The following KCNK2 variants were observed in gnomAD, a reference collection of about 807,000 sequenced individuals.
KCNK2 encodes the protein potassium channel subfamily K member 2.
KCNK2 carries 21 observed loss-of-function variants against 40.5 expected under a neutral mutation model. The observed-to-expected ratio is 0.52, with a 90% CI of 0.37 to 0.75. The LOEUF (loss-of-function observed/expected upper bound fraction) is 0.75. Ranked by LOEUF, KCNK2 falls within the 30% of genes least tolerant of loss-of-function variation. KCNK2 has a pLI of 0.00. For missense variants in KCNK2, 399 were observed against 531.6 expected (o/e 0.75, Z 2.45); for synonymous variants, 191 against 202.2 (o/e 0.94, Z 0.47).
chr1:215,070,272 C>T (rs768733394), intron 1 of KCNK2, among the ~76,000 whole-genome samples: 22 of 151,592 alleles, frequency 1.5e-4, no homozygotes, highest in African/African-American at 3.9e-4. Context: ...AGAAATTAGC[C>T]GGATGTGGTG....
At chr1:215,207,443 G>A (rs1014927841) in intron 6 of KCNK2, among the ~76,000 whole-genome samples, 3 of 152,112 alleles carry the variant, frequency 2.0e-5, no homozygotes, top group Non-Finnish European at 4.4e-5. Context: ...CCATGAAACC[G>A]GCCCCTGGTG....
chr1:215,168,897 A>G (rs969842391), intron 3 of KCNK2, among the ~76,000 whole-genome samples: 1 of 152,130 alleles, frequency 6.6e-6, no homozygotes, highest in African/African-American at 2.4e-5. Flanking sequence ...ATTTAATGAA[A>G]ATATGATTTT....
chr1:215,071,237 A>C (rs1053362568), intron 1 of KCNK2, among the ~76,000 whole-genome samples: 1 of 152,220 alleles, frequency 6.6e-6, no homozygotes, highest in Non-Finnish European at 1.5e-5. Flanking sequence ...GTGATTCTCA[A>C]GGTCTCAGAG....
At position 215,236,560 on chromosome 1, in the gene KCNK2, T is replaced by C. The variant is rs1350495099; in HGVS notation, c.*1415T>C. ...AAAAGAGGCTGATTATTCTTTTTAG[T>C]TTAATTTTATATCCTGTAATTCTTT... is the stretch of plus-strand genomic sequence containing the variant. On this transcript the variant is annotated 3_prime_UTR_variant, in exon 7 of 7. Transcript: ENST00000444842. 6.6e-6 allele frequency: 1 copy of C among 152,626 alleles called. No homozygotes were observed. The highest frequency in any genetic ancestry group is 2.4e-5 in the African/African-American group (1 of 41,450). 9.5% of individuals were successfully genotyped at this position (152,626 alleles called of 1,614,324 possible).
rs146722522 is a variant in KCNK2 at position 215,152,144 on chromosome 1, G to A, written c.476-17055G>A. Among the ~76,000 whole-genome samples, 236 of 152,194 alleles carry A rather than the reference G, an allele frequency of 1.6e-3. 1 individual carries two copies. Among genetic ancestry groups the A allele is most frequent in the African/African-American group, 5.2e-3 (217 of 41,520 alleles). ...TTAACATTTTTTGTCCCAGTATGGA[G>A]TTATTTCAAGGCTTGTCTTGAATTT... On this transcript the variant is annotated intron_variant, in intron 3 of 6. Transcript: ENST00000444842.
intron 6 of KCNK2, among the ~76,000 whole-genome samples, chr1:215,232,773 T>C (rs1018672491): frequency 6.6e-6 from 1 of 152,160 alleles, no homozygotes; most frequent in Non-Finnish European, 1.5e-5. Context: ...CTACAGCCCT[T>C]CTGTTCATGA....
chr1:215,233,012 C>T (rs1666733650), intron 6 of KCNK2, among the ~76,000 whole-genome samples: 1 of 152,184 alleles, frequency 6.6e-6, no homozygotes, highest in Non-Finnish European at 1.5e-5. Flanking sequence ...ACTGCCTATG[C>T]CTTCCTAACC....
At chr1:215,215,002 G>T (rs947532030) in intron 6 of KCNK2, among the ~76,000 whole-genome samples, 3 of 152,158 alleles carry the variant, frequency 2.0e-5, no homozygotes, top group Admixed American at 6.5e-5. Context: ...TATTTGAAAT[G>T]CATGAGCAAC....
chr1:215,067,906 T>C (rs1658614337), intron 1 of KCNK2, among the ~76,000 whole-genome samples: 2 of 152,074 alleles, frequency 1.3e-5, no homozygotes, highest in Non-Finnish European at 1.5e-5. Context: ...TCAAACTAAT[T>C]GCAAACAAAA....
intron 4 of KCNK2, among the ~76,000 whole-genome samples, chr1:215,171,044 A>T (rs1243226338): frequency 1.3e-5 from 2 of 152,134 alleles, no homozygotes; most frequent in Admixed American, 6.6e-5. Flanking sequence ...TACCCTTTCC[A>T]TTCTGTGATT....
chr1:215,213,822 AAGTGTAG>A (rs1411848117), intron 6 of KCNK2, among the ~76,000 whole-genome samples: 1 of 152,142 alleles, frequency 6.6e-6, no homozygotes, highest in Non-Finnish European at 1.5e-5. Flanking sequence ...TTATGATGAA[AAGTGTAG>A]AGTCTATAAA....
At chr1:215,129,975 G>A (rs1478211066) in intron 3 of KCNK2, among the ~76,000 whole-genome samples, 1 of 152,168 alleles carries the variant, frequency 6.6e-6, no homozygotes, top group African/African-American at 2.4e-5. Flanking sequence ...TCTGAGTGAT[G>A]GGAATGTCTT....
intron 1 of KCNK2, among the ~76,000 whole-genome samples, chr1:215,015,699 G>T (rs1421285602): frequency 6.6e-6 from 1 of 152,064 alleles, no homozygotes; most frequent in Non-Finnish European, 1.5e-5. Flanking sequence ...TAGATTCTTT[G>T]TTGTGTTAGA....
At chr1:215,147,602 C>T (rs953261160) in intron 3 of KCNK2, among the ~76,000 whole-genome samples, 21 of 152,012 alleles carry the variant, frequency 1.4e-4, no homozygotes, top group Admixed American at 6.5e-5. Context: ...GAAGCTGAGG[C>T]GGGCGGATCA....
rs72650001 is a variant in KCNK2, at chr1:215,139,789, C to T, written c.475+15039C>T. On this transcript the variant is annotated intron_variant, in intron 3 of 6. Transcript: ENST00000444842. ...GTTAATCCAGTACCAGTTTTTAATG[C>T]CTTTTTCCCCGATTTTTAAAAATAT... 2.8e-3 allele frequency among the ~76,000 whole-genome samples: 431 copies of T among 152,044 alleles called. 9 individuals carry two copies. The East Asian group carries it at 0.066, about 23-fold the overall frequency.
rs535622306 is a variant in KCNK2, at chr1:215,024,572, A to G, written c.34+18617A>G. On this transcript the variant is annotated intron_variant, in intron 1 of 6. Coordinates refer to the KCNK2 transcript ENST00000391895. ...AATATTTTGCCATAATTTTTTTTTC[A>G]TGTAATTGTTCTGACATCTCAAAAT... Among the ~76,000 whole-genome samples, 4 of 152,190 alleles carry G rather than the reference A, an allele frequency of 2.6e-5. No homozygotes were observed. In the East Asian group the frequency reaches 7.7e-4, roughly 29 times the overall value.
chr1:215,125,051 A>G (rs999907491), intron 3 of KCNK2, among the ~76,000 whole-genome samples: 1 of 152,158 alleles, frequency 6.6e-6, no homozygotes, highest in African/African-American at 2.4e-5. Flanking sequence ...TCTTTAGGCA[A>G]TTAGTTTTTA....
chr1:215,027,954 C>T (rs185777212), intron 1 of KCNK2, among the ~76,000 whole-genome samples: 104 of 152,268 alleles, frequency 6.8e-4, no homozygotes, highest in African/African-American at 2.4e-3. Context: ...GATTTGTTCA[C>T]AATATATCTT....
intron 5 of KCNK2, among the ~76,000 whole-genome samples, chr1:215,172,893 G>A (rs1333967781): frequency 6.6e-6 from 1 of 151,932 alleles, no homozygotes; most frequent in Non-Finnish European, 1.5e-5. Flanking sequence ...CTGAACTTAG[G>A]TGCCTCAGCC....
Sources: gnomAD v4.1 joint callset for allele counts (sites outside exome capture counted in the v4.1 genomes callset) on GRCh38, gnomAD v4.1.1 for gene constraint, MANE v1.5 for transcripts, NCBI Gene and HGNC (gene_info 2026-07-23, HGNC 2026-07-21) for gene names.